FNDC3B: variants seen among roughly 807,000 people sequenced by gnomAD.
FNDC3B encodes fibronectin type III domain containing 3B.
A neutral mutation model predicts 151.5 loss-of-function variants in FNDC3B; 12 were observed. The ratio of observed to expected loss-of-function variants is 0.08; its 90% CI spans 0.05 to 0.13. The LOEUF is 0.13. Ranked by LOEUF, FNDC3B falls within the 10% of genes least tolerant of loss-of-function variation. The probability of loss-of-function intolerance (pLI) is 1.00; values close to 1 mark genes in which losing one functional copy is unlikely to be tolerated. For synonymous variants in FNDC3B, 528 were observed against 549.0 expected (o/e 0.96, Z 0.54); for missense variants, 1,214 against 1,505.3 (o/e 0.81, Z 3.20).
chr3:172,305,234 G>A (rs995390277), intron 9 of FNDC3B, among the ~76,000 whole-genome samples: 3 of 151,948 alleles, frequency 2.0e-5, no homozygotes, highest in African/African-American at 7.3e-5. Flanking sequence ...CACAATCCCG[G>A]GACTGTTCCC....
chr3:172,134,552 G>A (rs1042091752), intron 3 of FNDC3B, among the ~76,000 whole-genome samples: 1 of 151,772 alleles, frequency 6.6e-6, no homozygotes, highest in Non-Finnish European at 1.5e-5. Flanking sequence ...CTTTAGTTTC[G>A]GTTTCCCATA....
rs111778464 is a variant in FNDC3B, at chr3:172,119,590, A to G, written c.111+7000A>G. Among the ~76,000 whole-genome samples, 166 of 152,212 alleles carry G rather than the reference A, an allele frequency of 1.1e-3. 2 individuals are homozygous for G. The highest frequency in any genetic ancestry group is 7.5e-4 in the Non-Finnish European group (51 of 68,030). ...CTAAGATGAAGTGAAGGCTAGAACT[A>G]TCCAGACTTTGTACATCAAGTAATC... On this transcript the variant is annotated intron_variant, in intron 2 of 25. Transcript: ENST00000415807.
chr3:172,205,970 A>G (rs541760527), intron 3 of FNDC3B, among the ~76,000 whole-genome samples: 1 of 152,352 alleles, frequency 6.6e-6, no homozygotes, highest in South Asian at 2.1e-4. Flanking sequence ...GTATCTTAGT[A>G]TAAAATCAGG....
chr3:172,243,491 G>T (rs1458876998), intron 4 of FNDC3B, among the ~76,000 whole-genome samples: 1 of 152,192 alleles, frequency 6.6e-6, no homozygotes, highest in Admixed American at 6.5e-5. Flanking sequence ...CAAAAAAAGA[G>T]GTTGTGCAGG....
chr3:172,396,804 G>A (rs749578149), intron 25 of FNDC3B, among the ~76,000 whole-genome samples: 2 of 152,194 alleles, frequency 1.3e-5, no homozygotes, highest in Non-Finnish European at 2.9e-5. Flanking sequence ...TGGAAAACTT[G>A]TCCTCCACAA....
At chr3:172,254,856 A>C (rs1009709411) in intron 6 of FNDC3B, among the ~76,000 whole-genome samples, 2 of 152,178 alleles carry the variant, frequency 1.3e-5, no homozygotes, top group Non-Finnish European at 2.9e-5. Context: ...TTGGCTTAGA[A>C]TTGGGCTTTG....
In FNDC3B at chr3:172,067,774, A is replaced by G. The variant is rs576005720; in HGVS notation, c.-29+28003A>G. 5.3e-5 allele frequency among the ~76,000 whole-genome samples: 8 copies of G among 152,308 alleles called. No homozygotes were observed. In the East Asian group the frequency reaches 1.5e-3, roughly 29 times the overall value. ...GATTTGTGGTCCAAGAGTTAGTACT[A>G]CAGAACAGGCTCTTTTGTAGACCTA... On this transcript the variant is annotated intron_variant, in intron 1 of 25. Transcript: ENST00000415807.
At chr3:172,226,297 C>T (rs906019308) in intron 3 of FNDC3B, among the ~76,000 whole-genome samples, 1 of 128,762 alleles carries the variant, frequency 7.8e-6, no homozygotes, top group African/African-American at 3.0e-5. Flanking sequence ...AAGTGCGAAA[C>T]TCTGTCTCAA....
intron 4 of FNDC3B, among the ~76,000 whole-genome samples, chr3:172,244,144 C>T (rs1228187388): frequency 6.6e-6 from 1 of 152,028 alleles, no homozygotes; most frequent in Admixed American, 6.6e-5. Context: ...ATTTTTTCTC[C>T]CCTTTGAATA....
At chr3:172,330,806 C>A (rs6774744) in intron 13 of FNDC3B, 91 bp downstream of exon 13, 60,877 of 981,880 alleles carry the variant, frequency 0.062, 3,461 homozygotes, top group African/African-American at 0.27. Flanking sequence ...TTAACTGCAT[C>A]AGTTCAAAGC....
chr3:172,178,425 A>G (rs781581172), intron 3 of FNDC3B, among the ~76,000 whole-genome samples: 7 of 151,882 alleles, frequency 4.6e-5, no homozygotes, highest in Admixed American at 3.9e-4. Flanking sequence ...TTGTCAAGCA[A>G]GAGTGAGAAG....
At position 172,247,847 on chromosome 3, in the gene FNDC3B, C is replaced by T. The variant is rs1727861001; in HGVS notation, c.508+71C>T. On this transcript the variant is annotated intron_variant, in intron 5 of 25. Coordinates refer to ENST00000415807, the MANE Select transcript of FNDC3B (RefSeq NM_022763.4). Reference sequence around the variant, plus strand: ...AGCGTTTCAATAGTTCAAGGCGGTCCTTTGTTTCTTGTGAAATAAGCATAG... The same window carrying T: ...AGCGTTTCAATAGTTCAAGGCGGTCTTTTGTTTCTTGTGAAATAAGCATAG... 5.9e-6 allele frequency: 9 copies of T among 1,530,668 alleles called. No homozygotes were observed. The East Asian group carries it at 1.8e-4, about 31-fold the overall frequency. 94.8% of individuals were successfully genotyped at this position (1,530,668 alleles called of 1,614,324 possible). A position where few individuals can be genotyped will look rare whatever the true frequency, so the allele number is the denominator to read the frequency against.
chr3:172,293,857 A>C (rs1283885874), intron 7 of FNDC3B, among the ~76,000 whole-genome samples: 4 of 152,364 alleles, frequency 2.6e-5, no homozygotes, highest in East Asian at 1.9e-4. Flanking sequence ...TCAAGTATTT[A>C]ATAATTCCAA....
At chr3:172,216,783 G>A (rs1725999894) in intron 3 of FNDC3B, among the ~76,000 whole-genome samples, 3 of 152,196 alleles carry the variant, frequency 2.0e-5, no homozygotes, top group African/African-American at 7.2e-5. Context: ...AACTTGAAGA[G>A]CAGAGTCCTG....
intron 16 of FNDC3B, among the ~76,000 whole-genome samples, chr3:172,339,449 G>C (rs368098616): frequency 6.6e-6 from 1 of 152,096 alleles, no homozygotes; most frequent in African/African-American, 2.4e-5. Flanking sequence ...TGTAATTCCA[G>C]CTACTTGAGA....
intron 3 of FNDC3B, among the ~76,000 whole-genome samples, chr3:172,184,943 G>A (rs12632806): frequency 0.14 from 21,942 of 151,674 alleles, 1,675 homozygotes; most frequent in Admixed American, 0.2. Flanking sequence ...AGAAGCAAAG[G>A]AAAAGAAAAA....
intron 3 of FNDC3B, among the ~76,000 whole-genome samples, chr3:172,212,092 G>A (rs983772652): frequency 1.5e-4 from 23 of 152,254 alleles, no homozygotes; most frequent in African/African-American, 5.5e-4. Flanking sequence ...AAAATCCTGT[G>A]ATCATTTTGT....
chr3:172,264,331 C>T (rs998530280), intron 6 of FNDC3B, among the ~76,000 whole-genome samples: 3 of 152,150 alleles, frequency 2.0e-5, no homozygotes, highest in Non-Finnish European at 4.4e-5. Context: ...TCAAGGACAG[C>T]AGGTTCTATG....
intron 3 of FNDC3B, among the ~76,000 whole-genome samples, chr3:172,143,908 A>AAAATAAATAAATAAATAAAT: frequency 7.0e-6 from 1 of 142,040 alleles, no homozygotes; most frequent in African/African-American, 2.6e-5. Flanking sequence ...CCTCCATCTC[A>AAAATAAATAAATAAATAAAT]AAATAAATAA....
Sources: allele counts gnomAD v4.1 joint callset (sites outside exome capture counted in the v4.1 genomes callset), GRCh38; gene constraint gnomAD v4.1.1; transcripts MANE v1.5; gene names NCBI Gene and HGNC (gene_info 2026-07-23, HGNC 2026-07-21).